PRICKLE4: variants seen among roughly 807,000 people sequenced by gnomAD.
PRICKLE4 encodes the protein prickle-like protein 4.
Under a neutral mutation model 43.5 loss-of-function variants are expected in PRICKLE4, and 40 were observed. The ratio of observed to expected loss-of-function variants is 0.92; its 90% CI spans 0.71 to 1.20. The LOEUF (loss-of-function observed/expected upper bound fraction) is 1.20. PRICKLE4 is among the 50% of genes most tolerant of loss of function. The pLI, the probability that PRICKLE4 is intolerant of heterozygous loss-of-function variation, is 0.00. For missense variants in PRICKLE4, 527 were observed against 491.2 expected (o/e 1.07, Z -0.69); for synonymous variants, 208 against 197.4 (o/e 1.05, Z -0.45).
intron 7 of PRICKLE4, 39 bp from the exon 8 acceptor site, chr6:41,786,723 C>T: frequency 6.2e-7 from 1 of 1,612,136 alleles, no homozygotes; most frequent in African/African-American, 1.3e-5. Flanking sequence ...TCCAGCTCCG[C>T]GGCTCTGAGA....
intron 3 of PRICKLE4, 37 bp downstream of exon 3, chr6:41,783,642 T>C (rs376245238): frequency 1.1e-5 from 18 of 1,613,428 alleles, no homozygotes; most frequent in African/African-American, 1.3e-5. Flanking sequence ...GACCAACATG[T>C]CCTCTATCCT....
chr6:41,786,415 G>A (rs765098014), intron 7 of PRICKLE4, 83 bp downstream of exon 7: 24 of 1,409,660 alleles, frequency 1.7e-5, no homozygotes, highest in Admixed American at 8.5e-5. Flanking sequence ...CCTCGCCCCG[G>A]TCCCACGCCG....
chr6:41,787,147 G>A lies in PRICKLE4; in HGVS notation c.*18G>A, dbSNP rs1170864682. 6 of 1,583,312 alleles carry A rather than the reference G, an allele frequency of 3.8e-6. No individual in the cohort carries two copies. Among genetic ancestry groups the A allele is most frequent in the Non-Finnish European group, 5.1e-6 (6 of 1,169,032 alleles). On this transcript the variant is annotated 3_prime_UTR_variant, in exon 8 of 8. Coordinates refer to ENST00000458694, the MANE Select transcript of PRICKLE4 (RefSeq NM_013397.6). ...TGTGCTAGTGGCGCAGCTCAGAGAG[G>A]GGATGTGAGTGGGAGGAAAGGGGTC...
chr6:41,784,720 G>A (rs1446762264), intron 4 of PRICKLE4: 1 of 605,266 alleles, frequency 1.7e-6, no homozygotes, highest in Non-Finnish European at 2.9e-6. Flanking sequence ...GTCAGGACCT[G>A]ATTGATGACA....
At position 41,787,051 on chromosome 6, in the gene PRICKLE4, TC is replaced by T. The variant is rs760258051; in HGVS notation, c.1081del (p.Gln361SerfsTer47). ...AAGGATTTTTCTTAGGCGAGCGCCT[TC>T]CCCAGTCCTGGAAGACCCCCGGAAG... ...PEGFFLGERL[P>X]QSWKTPGSLQ... On this transcript the variant is annotated frameshift_variant, in exon 8 of 8. Transcript: ENST00000458694. LOFTEE classifies it high-confidence loss of function. 6.9e-5 allele frequency: 111 copies of T among 1,613,536 alleles called. No individual in the cohort carries two copies. Among genetic ancestry groups the T allele is most frequent in the Non-Finnish European group, 8.8e-5 (104 of 1,180,010 alleles).
intron 3 of PRICKLE4, 141 bp downstream of exon 3, chr6:41,783,746 C>T (rs772627957): frequency 3.5e-6 from 4 of 1,155,716 alleles, no homozygotes; most frequent in South Asian, 1.3e-5. Flanking sequence ...ATTCCTGTCT[C>T]TGCACCTGCT....
Position 41,784,972 on chromosome 6 carries a change from C to T in PRICKLE4, c.278C>T (p.Ala93Val). 2 of 1,614,000 alleles carry T rather than the reference C, an allele frequency of 1.2e-6. No individual in the cohort carries two copies. The highest frequency in any genetic ancestry group is 1.7e-6 in the Non-Finnish European group (2 of 1,179,970). ...YCLALGEEER[A>V]ELQLFCARRK... Reference sequence around the variant, plus strand: ...CTGGCCCTTGGGGAGGAGGAGCGGGCCGAGCTGCAGCTCTTCTGTGCCAGG... The same window carrying T: ...CTGGCCCTTGGGGAGGAGGAGCGGGTCGAGCTGCAGCTCTTCTGTGCCAGG... Residue 93 changes from alanine to valine, a missense_variant, in exon 5 of 8, where the codon GCC becomes GTC. Transcript: ENST00000458694.
chr6:41,784,083 G>T, intron 3 of PRICKLE4, 48 bp from the exon 4 acceptor site: 2 of 1,417,656 alleles, frequency 1.4e-6, no homozygotes, highest in South Asian at 2.5e-5. Context: ...AAGGAGAAAG[G>T]AAAGAAAAAC....
intron 2 of PRICKLE4, among the ~76,000 whole-genome samples, chr6:41,783,139 A>G (rs915575932): frequency 1.3e-5 from 2 of 152,182 alleles, no homozygotes; most frequent in African/African-American, 4.8e-5. Context: ...CCCACCAGAA[A>G]GGCAAAGTGC....
At position 41,785,246 on chromosome 6, in the gene PRICKLE4, G is replaced by A. The variant is rs11967150; in HGVS notation, c.379-91G>A. ...GGATGTGGGCTTGCTAGGGTATGGCGAGAACAGGTTGGGATCGGATTGCAA... is the reference window on the plus strand; with the variant it reads ...GGATGTGGGCTTGCTAGGGTATGGCAAGAACAGGTTGGGATCGGATTGCAA... On this transcript the variant is annotated intron_variant, in intron 5 of 7. Transcript: ENST00000458694. The A allele has an allele frequency of 1.1e-3, 1,717 of 1,521,450 alleles. 20 individuals carry two copies. The African/African-American group carries it at 0.02, about 18-fold the overall frequency. 94.2% of individuals were successfully genotyped at this position (1,521,450 alleles called of 1,614,324 possible).
At chr6:41,784,374 T>C (rs1772605723) in intron 4 of PRICKLE4, 136 bp downstream of exon 4, 1 of 682,512 alleles carries the variant, frequency 1.5e-6, no homozygotes. Context: ...GGGGCGTCAT[T>C]CTCCCCCTGC....
chr6:41,784,552 C>T (rs1464592708), intron 4 of PRICKLE4, among the ~76,000 whole-genome samples: 2 of 152,180 alleles, frequency 1.3e-5, no homozygotes, highest in Non-Finnish European at 2.9e-5. Flanking sequence ...TATTGAGGGT[C>T]TACATGTGTC....
At position 41,787,407 on chromosome 6, in the gene PRICKLE4, C is replaced by G; in HGVS notation, c.*278C>G. 1.6e-6 allele frequency: 1 copy of G among 608,242 alleles called. No individual in the cohort carries two copies. The allele number at this position is 608,242 out of a possible 1,614,324, so 37.7% of individuals were successfully genotyped here. A position where few individuals can be genotyped will look rare whatever the true frequency, so the allele number is the denominator to read the frequency against. Reference sequence around the variant, plus strand: ...TCCACAGGCTGGGACAGCCCCGTCCCCACCATCCTCCTCCCAAGCCAATTA... The same window carrying G: ...TCCACAGGCTGGGACAGCCCCGTCCGCACCATCCTCCTCCCAAGCCAATTA... On this transcript the variant is annotated 3_prime_UTR_variant, in exon 8 of 8. Transcript: ENST00000458694.
chr6:41,785,078 T>C lies in PRICKLE4; in HGVS notation c.378+6T>C, dbSNP rs200288617. On this transcript the variant is annotated splice_donor_region_variant and intron_variant, in intron 5 of 7. Coordinates refer to ENST00000458694, the MANE Select transcript of PRICKLE4 (RefSeq NM_013397.6). The stretch of plus-strand genomic sequence containing the variant: ...AAGGACACACCTGTGAGAAGGTATG[T>C]AGCACCCCTCCCCCCAAATTCCCCT... The C allele has an allele frequency of 3.2e-5, 52 of 1,613,288 alleles. No homozygotes were observed. The highest frequency in any genetic ancestry group is 4.3e-5 in the Non-Finnish European group (51 of 1,179,708).
At position 41,787,091 on chromosome 6, in the gene PRICKLE4, G is replaced by C; in HGVS notation, c.1117G>C (p.Asp373His). The stretch of plus-strand genomic sequence containing the variant: ...GACCCCCGGAAGCCTCCAAGCAGAG[G>C]ACAGCAACGCCTCTAAGACGCACTG... ...WKTPGSLQAE[D>H]SNASKTHCTM... Residue 373 changes from aspartate to histidine, a missense_variant, in exon 8 of 8, where the codon GAC becomes CAC. Asp to His is a moderately conservative substitution (Grantham distance 81). Coordinates refer to ENST00000458694, the MANE Select transcript of PRICKLE4 (RefSeq NM_013397.6). The C allele has an allele frequency of 6.2e-7, 1 of 1,611,378 alleles. No individual in the cohort carries two copies. The highest frequency in any genetic ancestry group is 1.1e-5 in the South Asian group (1 of 91,062).
intron 4 of PRICKLE4, among the ~76,000 whole-genome samples, 164 bp downstream of exon 4, chr6:41,784,402 C>A (rs1284295411): frequency 1.3e-5 from 2 of 152,200 alleles, no homozygotes; most frequent in Non-Finnish European, 2.9e-5. Context: ...TTCACATTGG[C>A]AATAACAATA....
At chr6:41,783,336 A>G in intron 2 of PRICKLE4, 126 bp from the exon 3 acceptor site, 1 of 1,004,960 alleles carries the variant, frequency 1.0e-6, no homozygotes, top group Non-Finnish European at 1.4e-6. Context: ...TAAGATGGGG[A>G]TAATGCTACC....
At chr6:41,782,643 C>T (rs758827230) in intron 2 of PRICKLE4, among the ~76,000 whole-genome samples, 14 of 151,942 alleles carry the variant, frequency 9.2e-5, no homozygotes, top group African/African-American at 2.9e-4. Flanking sequence ...CCGCTTGTCT[C>T]GGCCTCCCGG....
At position 41,785,477 on chromosome 6, in the gene PRICKLE4, A is replaced by C; in HGVS notation, c.519A>C (p.Gly173=). The change falls in exon 6 of 8, where the codon GGA becomes GGC. Residue 173 remains glycine, a synonymous_variant. Coordinates refer to ENST00000458694, the MANE Select transcript of PRICKLE4 (RefSeq NM_013397.6). ...ACCTCATCTACTTCTACCATGATGG[A>C]CAACTCTACTGCGGCCGTCATCATG... ...LINLIYFYHD[G]QLYCGRHHAE... 1 of 1,614,066 alleles carries C rather than the reference A, an allele frequency of 6.2e-7. No individual in the cohort carries two copies. Among genetic ancestry groups the C allele is most frequent in the Non-Finnish European group, 8.5e-7 (1 of 1,180,036 alleles).
Sources: allele counts gnomAD v4.1 joint callset (sites outside exome capture counted in the v4.1 genomes callset), GRCh38; gene constraint gnomAD v4.1.1; transcripts MANE v1.5; gene names NCBI Gene and HGNC (gene_info 2026-07-23, HGNC 2026-07-21).